The following SLC2A13 variants were observed in gnomAD, a reference collection of about 807,000 sequenced individuals.
SLC2A13 encodes proton myo-inositol cotransporter.
SLC2A13 carries 32 observed loss-of-function variants against 64.4 expected under a neutral mutation model. The ratio of observed to expected loss-of-function variants is 0.50; its 90% confidence interval spans 0.37 to 0.67. The LOEUF (loss-of-function observed/expected upper bound fraction) is 0.67, where lower values mean the gene tolerates loss of function less well. SLC2A13 is among the 30% of genes least tolerant of loss of function. SLC2A13 has a pLI of 0.00. For missense variants in SLC2A13, 743 were observed against 829.2 expected (o/e 0.90, Z 1.28); for synonymous variants, 338 against 327.1 (o/e 1.03, Z -0.36).
At chr12:39,870,221 C>A (rs540656782) in intron 5 of SLC2A13, among the ~76,000 whole-genome samples, 20 of 152,050 alleles carry the variant, frequency 1.3e-4, no homozygotes, top group Non-Finnish European at 2.6e-4. Context: ...CTTGAGGTAG[C>A]AATATACTGG....
chr12:39,850,890 C>A (rs776438177), intron 6 of SLC2A13, among the ~76,000 whole-genome samples: 16 of 151,796 alleles, frequency 1.1e-4, no homozygotes, highest in Non-Finnish European at 2.1e-4. Context: ...ATATTTAGGC[C>A]CCACAAAGTT....
intron 2 of SLC2A13, among the ~76,000 whole-genome samples, chr12:40,042,526 G>A (rs1051920619): frequency 3.2e-4 from 48 of 151,860 alleles, no homozygotes; most frequent in Admixed American, 5.9e-4. Context: ...TATAATTAAT[G>A]ATTTAATTTT....
At chr12:40,064,147 T>C (rs1349374908) in intron 1 of SLC2A13, among the ~76,000 whole-genome samples, 5 of 152,042 alleles carry the variant, frequency 3.3e-5, no homozygotes, top group Admixed American at 6.6e-5. Context: ...CAGGCAGCTG[T>C]GTCAGGATGA....
intron 7 of SLC2A13, among the ~76,000 whole-genome samples, chr12:39,813,291 T>A (rs557077832): frequency 2.0e-5 from 3 of 152,236 alleles, no homozygotes; most frequent in African/African-American, 7.2e-5. Context: ...TATTTTGACA[T>A]ACATCAAAAT....
At chr12:39,885,538 A>C (rs1237374042) in intron 4 of SLC2A13, among the ~76,000 whole-genome samples, 2 of 152,128 alleles carry the variant, frequency 1.3e-5, no homozygotes, top group African/African-American at 2.4e-5. Flanking sequence ...ACCAATAACT[A>C]TGAGTTCCAA....
At chr12:39,961,343 T>G (rs1319956753) in intron 3 of SLC2A13, among the ~76,000 whole-genome samples, 1 of 151,808 alleles carries the variant, frequency 6.6e-6, no homozygotes, top group Non-Finnish European at 1.5e-5. Context: ...CCTCCCAAAG[T>G]GCTGGGATTA....
In SLC2A13 at chr12:39,762,007, T is replaced by G. The variant is rs373074297; in HGVS notation, c.1721-1755A>C. Among the ~76,000 whole-genome samples the G allele has an allele frequency of 7.2e-5, 11 of 152,176 alleles. No homozygotes were observed. The Middle Eastern group carries it at 0.01, about 141-fold the overall frequency. Reference sequence around the variant, plus strand: ...GAAGATTCCTGAAGTTGATTACAGATTCTTTCTTGTGACCTGGATTCCCAA... The same window carrying G: ...GAAGATTCCTGAAGTTGATTACAGAGTCTTTCTTGTGACCTGGATTCCCAA... On this transcript the variant is annotated intron_variant, in intron 9 of 9. Transcript: ENST00000280871.
intron 1 of SLC2A13, among the ~76,000 whole-genome samples, chr12:40,079,312 G>T (rs1231687164): frequency 6.6e-6 from 1 of 152,204 alleles, no homozygotes; most frequent in East Asian, 1.9e-4. Context: ...CAGGTGAGTT[G>T]TATCTGTTTC....
chr12:39,854,425 G>A (rs1370125934), intron 6 of SLC2A13, among the ~76,000 whole-genome samples: 3 of 152,212 alleles, frequency 2.0e-5, no homozygotes, highest in East Asian at 3.9e-4. Context: ...ATATTGGCTG[G>A]GGCCACATAA....
intron 7 of SLC2A13, among the ~76,000 whole-genome samples, chr12:39,811,542 C>T (rs1354662427): frequency 6.6e-6 from 1 of 151,928 alleles, no homozygotes; most frequent in African/African-American, 2.4e-5. Flanking sequence ...TTTCTAATTA[C>T]CTTGTGATGT....
chr12:39,930,155 G>A (rs942282971), intron 4 of SLC2A13, among the ~76,000 whole-genome samples: 14 of 150,284 alleles, frequency 9.3e-5, no homozygotes, highest in South Asian at 2.1e-4. Context: ...ACCAAAAAAC[G>A]AAAAAGAATG....
rs1939994302 is a variant in SLC2A13 at position 39,757,282 on chromosome 12, T to C, written c.*2744A>G. 1 of 151,866 alleles carries C rather than the reference T, an allele frequency of 6.6e-6. No homozygotes were observed. Among genetic ancestry groups the C allele is most frequent in the African/African-American group, 2.4e-5 (1 of 41,412 alleles). The allele number at this position is 151,866 out of a possible 1,614,324, so 9.4% of individuals were successfully genotyped here. The stretch of plus-strand genomic sequence containing the variant: ...AAGTCTGTAATTTTGGTTGAAAGCA[T>C]GATACGTAATCTGTGTCTGCTTTAA... On this transcript the variant is annotated 3_prime_UTR_variant, in exon 10 of 10. Coordinates refer to ENST00000280871, the MANE Select transcript of SLC2A13 (RefSeq NM_052885.4).
In SLC2A13 at chr12:40,105,390, G is replaced by A. The variant is rs1484840929; in HGVS notation, c.419C>T (p.Ala140Val). 1.9e-6 allele frequency: 3 copies of A among 1,559,432 alleles called. No homozygotes were observed. The highest frequency in any genetic ancestry group is 2.7e-5 in the African/African-American group (2 of 73,110). The change falls in exon 1 of 10, where the codon GCC becomes GTC. Residue 140 changes from alanine to valine, a missense_variant. By Grantham distance (64) the Ala-to-Val change is moderately conservative. Transcript: ENST00000280871. The surrounding 1 kb of genome is among the most constrained non-coding windows in gnomAD (Gnocchi z 4.2). The part of the protein sequence containing the change: ...AAAVSALAGG[A>V]LNGVFGRRAA... Reference sequence around the variant, plus strand: ...GCGGCGGCCGAAGACGCCGTTGAGGGCGCCTCCGGCCAGCGCCGAGACGGC... The same window carrying A: ...GCGGCGGCCGAAGACGCCGTTGAGGACGCCTCCGGCCAGCGCCGAGACGGC...
chr12:39,981,330 A>G (rs1412759675), intron 3 of SLC2A13, among the ~76,000 whole-genome samples: 4 of 152,212 alleles, frequency 2.6e-5, no homozygotes, highest in Admixed American at 1.3e-4. Context: ...AAATCAGAGC[A>G]GAACTGAAGG....
At chr12:39,865,223 T>G (rs1566881232) in intron 5 of SLC2A13, among the ~76,000 whole-genome samples, 1 of 152,226 alleles carries the variant, frequency 6.6e-6, no homozygotes, top group Non-Finnish European at 1.5e-5. Context: ...ACAACATTAT[T>G]GAGTGCCTAA....
chr12:39,955,704 TTTTC>T (rs1320320706), intron 3 of SLC2A13, among the ~76,000 whole-genome samples: 1 of 151,770 alleles, frequency 6.6e-6, no homozygotes, highest in Non-Finnish European at 1.5e-5. Context: ...ATCATCCAGG[TTTTC>T]CCTAAATGCA....
chr12:40,096,066 C>G (rs764291603), intron 1 of SLC2A13, among the ~76,000 whole-genome samples: 1 of 151,934 alleles, frequency 6.6e-6, no homozygotes, highest in Admixed American at 6.6e-5. Context: ...TCCTGAGTAG[C>G]CCGCCACCAC....
intron 4 of SLC2A13, among the ~76,000 whole-genome samples, chr12:39,897,217 G>T (rs143072692): frequency 1.1e-4 from 16 of 152,274 alleles, no homozygotes; most frequent in African/African-American, 3.4e-4. Flanking sequence ...AGGATTTTGA[G>T]TTGAAACCTA....
intron 6 of SLC2A13, among the ~76,000 whole-genome samples, chr12:39,858,665 G>A (rs1566872955): frequency 6.6e-6 from 1 of 152,178 alleles, no homozygotes; most frequent in South Asian, 2.1e-4. Flanking sequence ...GGAGTGCAAT[G>A]GCACGATCTC....
Sources: gnomAD v4.1 joint callset for allele counts (sites outside exome capture counted in the v4.1 genomes callset) on GRCh38, gnomAD v4.1.1 for gene constraint, Gnocchi (gnomAD v3.1) non-coding constraint, MANE v1.5 for transcripts, NCBI Gene and HGNC (gene_info 2026-07-23, HGNC 2026-07-21) for gene names.